The following PMFBP1 variants were observed in gnomAD, a reference collection of about 807,000 sequenced individuals.
PMFBP1 encodes polyamine-modulated factor 1-binding protein 1.
In PMFBP1, 131 loss-of-function variants were observed where a neutral mutation model predicts 137.8. That is an observed-to-expected ratio of 0.95 (90% CI 0.82 to 1.10). The LOEUF (loss-of-function observed/expected upper bound fraction) is 1.10, where lower values mean the gene tolerates loss of function less well. Ranked by LOEUF, PMFBP1 falls within the 50% of genes least tolerant of loss-of-function variation. The pLI, the probability that PMFBP1 is intolerant of heterozygous loss-of-function variation, is 0.00. For synonymous variants in PMFBP1, 490 were observed against 450.4 expected (o/e 1.09, Z -1.11); for missense variants, 1,199 against 1,175.4 (o/e 1.02, Z -0.29).
the PMFBP1 span, among the ~76,000 whole-genome samples, chr16:72,249,511 T>G: frequency 6.6e-6 from 1 of 152,096 alleles, no homozygotes; most frequent in Non-Finnish European, 1.5e-5. Flanking sequence ...TTTGATATGT[T>G]TATTCTTTCA....
the PMFBP1 span, among the ~76,000 whole-genome samples, chr16:72,195,350 C>T: frequency 6.6e-6 from 1 of 152,118 alleles, no homozygotes; most frequent in Non-Finnish European, 1.5e-5. Context: ...GTCAGACCTA[C>T]ACTGAAGTCT....
chr16:72,183,977 T>A, the PMFBP1 span, among the ~76,000 whole-genome samples: 1 of 152,210 alleles, frequency 6.6e-6, no homozygotes, highest in Admixed American at 6.5e-5. Context: ...GTCCTTATTG[T>A]ATCTCACAAA....
intron 3 of PMFBP1, among the ~76,000 whole-genome samples, chr16:72,157,760 G>C (rs1219611480): frequency 1.3e-5 from 2 of 152,204 alleles, no homozygotes; most frequent in Non-Finnish European, 2.9e-5. Flanking sequence ...GGCAGGCAAA[G>C]ACAGAAAGAC....
At chr16:72,194,639 T>C in the PMFBP1 span, among the ~76,000 whole-genome samples, 1 of 152,216 alleles carries the variant, frequency 6.6e-6, no homozygotes, top group African/African-American at 2.4e-5. Context: ...TCGTGGTCAA[T>C]AGTATTAAAG....
the PMFBP1 span, among the ~76,000 whole-genome samples, chr16:72,183,070 T>C: frequency 6.6e-6 from 1 of 152,176 alleles, no homozygotes; most frequent in Non-Finnish European, 1.5e-5. Context: ...CCCTGGCCCC[T>C]GAGGCTTGGA....
At chr16:72,117,846 T>C (rs1303724435), downstream of PMFBP1, among the ~76,000 whole-genome samples, 2 of 152,210 alleles carry the variant, frequency 1.3e-5, no homozygotes, top group African/African-American at 4.8e-5. Context: ...CTGCCCTTCC[T>C]CCTGTCTTTA....
chr16:72,195,164 C>T, the PMFBP1 span, among the ~76,000 whole-genome samples: 1 of 152,186 alleles, frequency 6.6e-6, no homozygotes, highest in Admixed American at 6.5e-5. Flanking sequence ...CGGCCAATGA[C>T]TGGGTGCAGC....
chr16:72,218,998 A>C, the PMFBP1 span, among the ~76,000 whole-genome samples: 4 of 152,178 alleles, frequency 2.6e-5, no homozygotes, highest in African/African-American at 9.6e-5. Context: ...AAATTAATTA[A>C]GTAATTATTT....
chr16:72,191,003 CA>C, the PMFBP1 span, among the ~76,000 whole-genome samples: 2 of 152,100 alleles, frequency 1.3e-5, no homozygotes, highest in African/African-American at 4.8e-5. Context: ...AAGAACATGA[CA>C]CTGATTTTAA....
chr16:72,172,212 A>G (rs2043228946), upstream of PMFBP1: 1 of 152,066 alleles, frequency 6.6e-6, no homozygotes, highest in African/African-American at 2.4e-5. Context: ...TCCTGCATTG[A>G]GTACCCTCTG....
chr16:72,235,214 T>A, the PMFBP1 span, among the ~76,000 whole-genome samples: 1 of 152,152 alleles, frequency 6.6e-6, no homozygotes, highest in Non-Finnish European at 1.5e-5. Context: ...AATTTTTGTG[T>A]ATGGTGTACC....
rs1221626577 is a variant in PMFBP1 at position 72,150,706 on chromosome 16, G to T, written c.538C>A (p.Leu180Ile). Reference protein sequence around the residue: ...KIASLERSLNLYRDKYQSSLS... With the variant: ...KIASLERSLNIYRDKYQSSLS... ...GAAGACTGGTATTTATCCCTGTAGA[G>T]GTTTAAGCTCCTCTCTAGAGAGGCG... is the stretch of plus-strand genomic sequence containing the variant. The change falls in exon 5 of 21, where the codon CTC becomes ATC. Residue 180 changes from leucine (L) to isoleucine (I), a missense_variant. Leu to Ile is a conservative substitution (Grantham distance 5). Coordinates refer to ENST00000237353, the MANE Select transcript of PMFBP1 (RefSeq NM_031293.3). 4 of 1,614,168 alleles carry T rather than the reference G, an allele frequency of 2.5e-6. No homozygotes were observed. The highest frequency in any genetic ancestry group is 3.4e-6 in the Non-Finnish European group (4 of 1,180,010).
At chr16:72,170,662 G>T (rs571429460) in intron 2 of PMFBP1, among the ~76,000 whole-genome samples, 1 of 152,156 alleles carries the variant, frequency 6.6e-6, no homozygotes, top group East Asian at 1.9e-4. Context: ...AAACTCTTGG[G>T]CTCAAGTGAT....
At chr16:72,226,954 C>A in the PMFBP1 span, among the ~76,000 whole-genome samples, 1,130 of 152,270 alleles carry the variant, frequency 7.4e-3, 9 homozygotes, top group Non-Finnish European at 7.9e-3. Flanking sequence ...TCAAATGAAT[C>A]TGAGCATATT....
chr16:72,148,143 G>A (rs960869012), intron 5 of PMFBP1, among the ~76,000 whole-genome samples: 5 of 151,982 alleles, frequency 3.3e-5, no homozygotes, highest in African/African-American at 4.8e-5. Context: ...AGTGTAGGCC[G>A]GATAAAGAAA....
intron 3 of PMFBP1, among the ~76,000 whole-genome samples, chr16:72,161,394 G>A (rs2043060048): frequency 6.6e-6 from 1 of 151,896 alleles, no homozygotes; most frequent in Non-Finnish European, 1.5e-5. Flanking sequence ...CACCGCGCCC[G>A]GCCTTATCTG....
rs1219709525 is a variant in PMFBP1 at position 72,136,505 on chromosome 16, C to T, written c.1146G>A (p.Leu382=). The change falls in exon 9 of 21, where the codon CTG becomes CTA. Residue 382 remains leucine (L), a synonymous_variant. Coordinates refer to ENST00000237353, the MANE Select transcript of PMFBP1 (RefSeq NM_031293.3). ...CGGTGAACTCCAGCTGCAGCTCCTG[C>T]AGCCGGCACTGCAGGATGGTGATGT... ...DKDITILQCR[L]QELQLEFTET... The T allele has an allele frequency of 3.1e-6, 5 of 1,614,072 alleles. No homozygotes were observed. Among genetic ancestry groups the T allele is most frequent in the Non-Finnish European group, 3.4e-6 (4 of 1,179,994 alleles).
At chr16:72,135,266 C>T (rs770922253) in intron 9 of PMFBP1, among the ~76,000 whole-genome samples, 1 of 152,070 alleles carries the variant, frequency 6.6e-6, no homozygotes, top group East Asian at 1.9e-4. Context: ...AACCTCCCCT[C>T]CCGGCTTCAA....
chr16:72,143,604 G>C (rs1010325954), intron 5 of PMFBP1, among the ~76,000 whole-genome samples: 3 of 152,048 alleles, frequency 2.0e-5, no homozygotes, highest in Non-Finnish European at 4.4e-5. Context: ...TTAGCTGTCT[G>C]TGGTGGCACG....
Sources: allele counts gnomAD v4.1 joint callset (sites outside exome capture counted in the v4.1 genomes callset), GRCh38; gene constraint gnomAD v4.1.1; transcripts MANE v1.5; gene names NCBI Gene and HGNC (gene_info 2026-07-23, HGNC 2026-07-21).